Variants in BCAS3 observed in about 807,000 individuals in gnomAD.
BCAS3 encodes the protein BCAS3 microtubule associated cell migration factor.
In BCAS3, 53 loss-of-function variants were observed where a neutral mutation model predicts 116.1. That is an observed-to-expected ratio of 0.46 (90% CI 0.37 to 0.57). The LOEUF (loss-of-function observed/expected upper bound fraction) is 0.57, where lower values mean the gene tolerates loss of function less well. BCAS3 is among the 20% of genes least tolerant of loss of function. The pLI is 0.00. For missense variants in BCAS3, 917 were observed against 1,165.4 expected (o/e 0.79, Z 3.10); for synonymous variants, 391 against 408.2 (o/e 0.96, Z 0.51).
intron 5 of BCAS3, among the ~76,000 whole-genome samples, chr17:60,733,789 G>A (rs2040697983): frequency 6.6e-6 from 1 of 152,194 alleles, no homozygotes; most frequent in Admixed American, 6.5e-5. Context: ...TGAGGCTGTA[G>A]TGAGCATTGA....
At chr17:61,120,973 C>A (rs1404011468) in intron 22 of BCAS3, among the ~76,000 whole-genome samples, 1 of 152,190 alleles carries the variant, frequency 6.6e-6, no homozygotes, top group South Asian at 2.1e-4. Context: ...GCATTTCCCA[C>A]AGACTGAATT....
rs2058591658 is a variant in BCAS3, at chr17:61,363,909, G to C, written c.2426-4418G>C. On this transcript the variant is annotated intron_variant, in intron 22 of 23. Transcript: ENST00000407086. This position sits in a 1 kb window ranked among gnomAD's most constrained non-coding sequence, Gnocchi z 4.9. ...AGATGTGCAGTTTTCCAAGAGCCCA[G>C]AGATGACCTCACCCTCCAAGGGCTT... is the stretch of plus-strand genomic sequence containing the variant. Among the ~76,000 whole-genome samples, 1 of 152,184 alleles carries C rather than the reference G, an allele frequency of 6.6e-6. No individual in the cohort carries two copies. The highest frequency in any genetic ancestry group is 1.5e-5 in the Non-Finnish European group (1 of 68,038).
chr17:60,819,414 A>G (rs181860989), intron 7 of BCAS3, among the ~76,000 whole-genome samples: 4 of 152,330 alleles, frequency 2.6e-5, no homozygotes, highest in South Asian at 4.1e-4. Context: ...TATTTAAACT[A>G]TGGACACATC....
At chr17:61,232,453 T>C (rs1422534368) in intron 22 of BCAS3, among the ~76,000 whole-genome samples, 1 of 151,772 alleles carries the variant, frequency 6.6e-6, no homozygotes, top group Non-Finnish European at 1.5e-5. Context: ...GGGTGGGAGG[T>C]TGTTTTTCTT....
chr17:61,357,182 C>T (rs1210969023), intron 22 of BCAS3, among the ~76,000 whole-genome samples: 1 of 150,862 alleles, frequency 6.6e-6, no homozygotes, highest in African/African-American at 2.4e-5. Context: ...AAGGCAGGAG[C>T]ATCACTGGAA....
chr17:61,392,464 CAG>C lies in BCAS3; in HGVS notation c.*340_*341del, dbSNP rs2060179854. 4.5e-6 allele frequency: 1 copy of C among 221,840 alleles called. No individual in the cohort carries two copies. The highest frequency in any genetic ancestry group is 1.2e-4 in the East Asian group (1 of 8,174). 13.7% of individuals were successfully genotyped at this position (221,840 alleles called of 1,614,324 possible). On this transcript the variant is annotated 3_prime_UTR_variant, in exon 24 of 24. Coordinates refer to ENST00000407086, the MANE Select transcript of BCAS3 (RefSeq NM_017679.5). This position sits in a 1 kb window ranked among gnomAD's most constrained non-coding sequence, Gnocchi z 6.4. ...TGGGGCGGGTGGGGGGAGCCTGGAACAGTGACCAGATCTGGGGGCCTGAGTGG... is the reference window on the plus strand; with the variant it reads ...TGGGGCGGGTGGGGGGAGCCTGGAACTGACCAGATCTGGGGGCCTGAGTGG...
intron 6 of BCAS3, among the ~76,000 whole-genome samples, chr17:60,786,547 G>GTATATATATATATATATATA (rs72319489): frequency 1.2e-3 from 173 of 140,682 alleles, no homozygotes; most frequent in African/African-American, 4.0e-3. Flanking sequence ...CTGCAAATGT[G>GTATATATATATATATATATA]TATATATATA....
At chr17:60,851,836 T>A in intron 7 of BCAS3, 3 of 1,390,314 alleles carry the variant, frequency 2.2e-6, no homozygotes, top group Non-Finnish European at 3.0e-6. Context: ...AAATGCAAGT[T>A]TTTTAGTAGC....
chr17:61,077,189 T>C lies in BCAS3; in HGVS notation c.2131-1144T>C, dbSNP rs2072085651. On this transcript the variant is annotated intron_variant, in intron 20 of 23. Transcript: ENST00000407086. The surrounding 1 kb of genome is among the most constrained non-coding windows in gnomAD (Gnocchi z 4.3). ...ATATATTTTCAGGTTTTTCCAAGTG[T>C]CTTCTACCCACTTCTTTGACTTTAT... Among the ~76,000 whole-genome samples the C allele has an allele frequency of 1.3e-5, 2 of 151,708 alleles. No individual in the cohort carries two copies. Among genetic ancestry groups the C allele is most frequent in the East Asian group, 3.9e-4 (2 of 5,186 alleles).
rs2065785886 is a variant in BCAS3, at chr17:61,020,310, GA to G, written c.1637+4410del. On this transcript the variant is annotated intron_variant, in intron 16 of 23. Coordinates refer to ENST00000407086, the MANE Select transcript of BCAS3 (RefSeq NM_017679.5). This position sits in a 1 kb window ranked among gnomAD's most constrained non-coding sequence, Gnocchi z 4.5. ...TCAGGGACCATCTGTCTCACTGCGA[GA>G]CATACATGAGGCCAGTAGAACTACA... 6.6e-6 allele frequency among the ~76,000 whole-genome samples: 1 copy of G among 152,194 alleles called. No individual in the cohort carries two copies. Among genetic ancestry groups the G allele is most frequent in the Admixed American group, 6.5e-5 (1 of 15,282 alleles).
chr17:61,099,237 A>G (rs2074169198), intron 22 of BCAS3, among the ~76,000 whole-genome samples: 1 of 152,196 alleles, frequency 6.6e-6, no homozygotes, highest in African/African-American at 2.4e-5. Context: ...GTTTGAGAAC[A>G]AGGGCTGTCT....
intron 19 of BCAS3, among the ~76,000 whole-genome samples, chr17:61,045,979 A>T (rs1275828707): frequency 2.9e-4 from 3 of 10,176 alleles, no homozygotes; most frequent in African/African-American, 1.2e-3. Flanking sequence ...TATATATATT[A>T]TATATATATT....
intron 19 of BCAS3, among the ~76,000 whole-genome samples, chr17:61,061,867 A>T (rs1329614364): frequency 6.6e-6 from 1 of 152,204 alleles, no homozygotes; most frequent in African/African-American, 2.4e-5. Flanking sequence ...CAGTTGATAA[A>T]GCTGGTCCTA....
At chr17:60,920,183 T>A (rs1325812964) in intron 12 of BCAS3, among the ~76,000 whole-genome samples, 2 of 152,208 alleles carry the variant, frequency 1.3e-5, no homozygotes, top group Non-Finnish European at 2.9e-5. Context: ...TTTTGACATC[T>A]GCTTTGGTAA....
chr17:61,234,739 C>T (rs1322664733), intron 22 of BCAS3, among the ~76,000 whole-genome samples: 1 of 150,150 alleles, frequency 6.7e-6, no homozygotes, highest in Admixed American at 6.7e-5. Context: ...AGCAGTCTTC[C>T]CACTGACTGT....
intron 4 of BCAS3, among the ~76,000 whole-genome samples, chr17:60,707,795 A>G (rs1268137789): frequency 6.6e-6 from 1 of 150,852 alleles, no homozygotes; most frequent in Non-Finnish European, 1.5e-5. Context: ...AATGTTGGCA[A>G]ATGATAATTG....
At chr17:60,834,101 TA>T (rs1233230316) in intron 7 of BCAS3, among the ~76,000 whole-genome samples, 3 of 152,120 alleles carry the variant, frequency 2.0e-5, no homozygotes, top group Admixed American at 6.6e-5. Flanking sequence ...AATTATGTAA[TA>T]TAATAACATT....
chr17:61,187,482 C>T (rs1568534958), intron 22 of BCAS3, among the ~76,000 whole-genome samples: 1 of 152,180 alleles, frequency 6.6e-6, no homozygotes, highest in Non-Finnish European at 1.5e-5. Context: ...AAAAGTTTTT[C>T]CTTCTAAAAC....
chr17:61,176,971 A>C (rs2079188656), intron 22 of BCAS3, among the ~76,000 whole-genome samples: 2 of 152,218 alleles, frequency 1.3e-5, no homozygotes, highest in East Asian at 3.8e-4. Context: ...GTTAGTCCTT[A>C]GAGATTTGCA....
Sources: gnomAD v4.1 joint callset for allele counts (sites outside exome capture counted in the v4.1 genomes callset) on GRCh38, gnomAD v4.1.1 for gene constraint, Gnocchi (gnomAD v3.1) non-coding constraint, MANE v1.5 for transcripts, NCBI Gene and HGNC (gene_info 2026-07-23, HGNC 2026-07-21) for gene names.